MACROD2: variants seen among roughly 807,000 people sequenced by gnomAD.
The protein encoded by MACROD2 is mono-ADP ribosylhydrolase 2, also known as ADP-ribose glycohydrolase MACROD2.
A neutral mutation model predicts 70.4 loss-of-function variants in MACROD2; 36 were observed. The ratio of observed to expected loss-of-function variants is 0.51; its 90% CI spans 0.39 to 0.68. MACROD2 has a LOEUF of 0.68. Ranked by LOEUF, MACROD2 falls within the 30% of genes least tolerant of loss-of-function variation. The pLI, the probability that MACROD2 is intolerant of heterozygous loss-of-function variation, is 0.00. For synonymous variants in MACROD2, 172 were observed against 178.8 expected (o/e 0.96, Z 0.30); for missense variants, 496 against 538.4 (o/e 0.92, Z 0.78).
chr20:15,497,133 T>C (rs1333647980), intron 7 of MACROD2, among the ~76,000 whole-genome samples: 1 of 152,034 alleles, frequency 6.6e-6, no homozygotes, highest in East Asian at 1.9e-4. Context: ...GGGATGACAT[T>C]TGTTTTAGGT....
At chr20:15,740,874 TC>T (rs898974951) in intron 8 of MACROD2, among the ~76,000 whole-genome samples, 41 of 151,992 alleles carry the variant, frequency 2.7e-4, no homozygotes, top group Admixed American at 4.6e-4. Context: ...ATGTGATCAC[TC>T]GGCACCATCT....
intron 3 of MACROD2, among the ~76,000 whole-genome samples, chr20:14,275,519 A>G (rs1031894107): frequency 2.0e-5 from 3 of 151,872 alleles, no homozygotes; most frequent in Admixed American, 2.0e-4. Context: ...ACCTAAAACC[A>G]TAAAAACCCT....
At chr20:15,386,079 A>G (rs912265097) in intron 6 of MACROD2, among the ~76,000 whole-genome samples, 4 of 152,148 alleles carry the variant, frequency 2.6e-5, no homozygotes, top group African/African-American at 9.7e-5. Context: ...GACCTTACAC[A>G]AGGAGATGAC....
Position 14,493,511 on chromosome 20 carries a change from A to G in MACROD2, c.301+3A>G, listed in dbSNP as rs751631349. 6.2e-7 allele frequency: 1 copy of G among 1,608,038 alleles called. No homozygotes were observed. The highest frequency in any genetic ancestry group is 8.5e-7 in the Non-Finnish European group (1 of 1,175,646). Reference sequence around the variant, plus strand: ...CAGTCTTCTTGGAGGAGGAGGTGGTAAGTCCTGAACATCACTTAACTTAAA... The same window carrying G: ...CAGTCTTCTTGGAGGAGGAGGTGGTGAGTCCTGAACATCACTTAACTTAAA... On this transcript the variant is annotated splice_donor_region_variant and intron_variant, in intron 4 of 17. Coordinates refer to ENST00000684519, the MANE Select transcript of MACROD2 (RefSeq NM_001351661.2).
intron 3 of MACROD2, among the ~76,000 whole-genome samples, chr20:14,472,375 G>A (rs1176731378): frequency 6.6e-6 from 1 of 151,982 alleles, no homozygotes; most frequent in Non-Finnish European, 1.5e-5. Context: ...TGTAAAATTG[G>A]CATTGTTTTT....
At chr20:15,283,767 A>T (rs1223965583) in intron 6 of MACROD2, among the ~76,000 whole-genome samples, 1 of 152,208 alleles carries the variant, frequency 6.6e-6, no homozygotes, top group Non-Finnish European at 1.5e-5. Context: ...TCATTGCTTT[A>T]CTTGTTTTTC....
rs529903800 is a variant in MACROD2 at position 16,010,564 on chromosome 20, A to G, written c.1153+23406A>G. On this transcript the variant is annotated intron_variant, in intron 15 of 17. Coordinates refer to ENST00000684519, the MANE Select transcript of MACROD2 (RefSeq NM_001351661.2). ...ATGATACCACAACCTTATTACATCAAACTGCTTTGGGCTTTATCCTCTTTA... is the reference window on the plus strand; with the variant it reads ...ATGATACCACAACCTTATTACATCAGACTGCTTTGGGCTTTATCCTCTTTA... 2.1e-3 allele frequency among the ~76,000 whole-genome samples: 313 copies of G among 152,334 alleles called. 3 individuals are homozygous for G. The highest frequency in any genetic ancestry group is 7.3e-3 in the African/African-American group (303 of 41,582).
At chr20:15,159,724 G>C (rs573913593) in intron 5 of MACROD2, among the ~76,000 whole-genome samples, 1 of 151,622 alleles carries the variant, frequency 6.6e-6, no homozygotes, top group Admixed American at 6.6e-5. Flanking sequence ...TTATAATCTA[G>C]TAGAGGTGGT....
chr20:14,131,079 C>T (rs2054713048), intron 3 of MACROD2, among the ~76,000 whole-genome samples: 1 of 151,948 alleles, frequency 6.6e-6, no homozygotes, highest in Admixed American at 6.6e-5. Flanking sequence ...AACGTGCCAC[C>T]ACACCTGGCT....
intron 9 of MACROD2, among the ~76,000 whole-genome samples, chr20:15,882,167 A>G (rs540312398): frequency 6.6e-6 from 1 of 152,296 alleles, no homozygotes; most frequent in Admixed American, 6.5e-5. Context: ...GCAGGTTAAT[A>G]GCAGAAAAAT....
At chr20:14,057,836 A>C (rs1326277694) in intron 2 of MACROD2, among the ~76,000 whole-genome samples, 1 of 152,242 alleles carries the variant, frequency 6.6e-6, no homozygotes. Context: ...AGTAATGCGT[A>C]CAGCAATAAA....
At chr20:14,058,974 C>T (rs571785366) in intron 2 of MACROD2, among the ~76,000 whole-genome samples, 5 of 152,244 alleles carry the variant, frequency 3.3e-5, no homozygotes, top group African/African-American at 1.2e-4. Context: ...ATTTTAACTG[C>T]TGGCTTATTC....
At chr20:14,234,865 A>T (rs1163671784) in intron 3 of MACROD2, among the ~76,000 whole-genome samples, 1 of 152,188 alleles carries the variant, frequency 6.6e-6, no homozygotes, top group Non-Finnish European at 1.5e-5. Flanking sequence ...TTCTTGCTTC[A>T]CTATTTGCTC....
At chr20:14,971,391 C>T (rs1366263970) in intron 5 of MACROD2, among the ~76,000 whole-genome samples, 1 of 151,902 alleles carries the variant, frequency 6.6e-6, no homozygotes, top group African/African-American at 2.4e-5. Flanking sequence ...TTATCCAGAC[C>T]TCTCAGCCCA....
At chr20:14,909,829 G>C (rs551844386) in intron 5 of MACROD2, among the ~76,000 whole-genome samples, 1 of 152,018 alleles carries the variant, frequency 6.6e-6, no homozygotes, top group South Asian at 2.1e-4. Flanking sequence ...TCTATGATCT[G>C]TAGGTATGGG....
At chr20:14,714,494 AT>A (rs769056812) in intron 5 of MACROD2, among the ~76,000 whole-genome samples, 1 of 151,886 alleles carries the variant, frequency 6.6e-6, no homozygotes, top group Non-Finnish European at 1.5e-5. Context: ...ATATATTCTT[AT>A]TTTTTCCTCC....
chr20:15,078,715 T>A (rs2075679070), intron 5 of MACROD2, among the ~76,000 whole-genome samples: 2 of 151,768 alleles, frequency 1.3e-5, no homozygotes, highest in African/African-American at 2.4e-5. Flanking sequence ...TTTCTTTTTT[T>A]TTTTTTCTGC....
At chr20:14,537,591 C>T (rs2085381402) in intron 4 of MACROD2, among the ~76,000 whole-genome samples, 1 of 152,112 alleles carries the variant, frequency 6.6e-6, no homozygotes, top group Non-Finnish European at 1.5e-5. Context: ...CAGATAGCTT[C>T]AGGTGAACTC....
At chr20:15,294,519 G>A (rs1320859483) in intron 6 of MACROD2, among the ~76,000 whole-genome samples, 3 of 152,212 alleles carry the variant, frequency 2.0e-5, no homozygotes, top group Non-Finnish European at 2.9e-5. Flanking sequence ...ACAACACAGG[G>A]TGGCTTGGTG....
Sources: allele counts gnomAD v4.1 joint callset (sites outside exome capture counted in the v4.1 genomes callset), GRCh38; gene constraint gnomAD v4.1.1; transcripts MANE v1.5; gene names NCBI Gene and HGNC (gene_info 2026-07-23, HGNC 2026-07-21).